Variants in MISFA observed in about 807,000 individuals in gnomAD.
The protein encoded by MISFA is mitochondrial sheath formation associated, also known as mitochondrial sheath formation-associated protein.
chr11:18,606,913 T>G, the MISFA span: 1 of 325,408 alleles, frequency 3.1e-6, no homozygotes, highest in South Asian at 2.5e-5. Flanking sequence ...CAGCCTGGAG[T>G]GCAGTGGTGC....
the MISFA span, chr11:18,607,015 C>T: frequency 4.3e-5 from 11 of 258,004 alleles, no homozygotes; most frequent in Middle Eastern, 5.3e-3. Context: ...TGTGTGCCAC[C>T]GCACCCGGCT....
the MISFA span, chr11:18,601,098 A>T: frequency 2.5e-6 from 1 of 398,422 alleles, no homozygotes; most frequent in African/African-American, 2.1e-5. Context: ...TCAGCCTCCA[A>T]CTCTGAAGTG....
At chr11:18,605,185 A>T in the MISFA span, among the ~76,000 whole-genome samples, 5 of 151,802 alleles carry the variant, frequency 3.3e-5, no homozygotes, top group Non-Finnish European at 7.4e-5. Context: ...GGTTACAGTG[A>T]GCCGAGATTG....
chr11:18,604,002 CT>C, the MISFA span: 1 of 296,212 alleles, frequency 3.4e-6, no homozygotes, highest in East Asian at 5.1e-5. Context: ...TCTCGGCTCA[CT>C]GCAAGCTCCG....
chr11:18,606,996 G>A, the MISFA span: 2 of 281,624 alleles, frequency 7.1e-6, no homozygotes, highest in Non-Finnish European at 1.3e-5. Flanking sequence ...CGGTAGCTGG[G>A]ATTACAGGTG....
the MISFA span, among the ~76,000 whole-genome samples, chr11:18,600,745 C>G: frequency 1.9e-3 from 290 of 151,996 alleles, no homozygotes; most frequent in South Asian, 0.013. Flanking sequence ...TGGTCTAGAT[C>G]TCCTAACTTC....
chr11:18,607,027 ATTTTT>A, the MISFA span: 945 of 250,910 alleles, frequency 3.8e-3, 7 homozygotes, highest in African/African-American at 0.021. Context: ...CACCCGGCTA[ATTTTT>A]TTATTTTTAG....
the MISFA span, chr11:18,603,680 T>G: frequency 2.5e-6 from 1 of 398,296 alleles, no homozygotes. Flanking sequence ...TAACCTCCCC[T>G]GCCAGTCCTT....
At chr11:18,604,983 C>T in the MISFA span, among the ~76,000 whole-genome samples, 2 of 152,134 alleles carry the variant, frequency 1.3e-5, no homozygotes, top group South Asian at 2.1e-4. Context: ...TGGCTCACAC[C>T]TGTAATCCCA....
At chr11:18,605,018 G>A in the MISFA span, among the ~76,000 whole-genome samples, 2,661 of 152,198 alleles carry the variant, frequency 0.017, 77 homozygotes, top group African/African-American at 0.06. Flanking sequence ...CGAGGCAGGC[G>A]GATCACTTGA....
At chr11:18,600,977 G>T in the MISFA span, 1 of 397,316 alleles carries the variant, frequency 2.5e-6, no homozygotes, top group South Asian at 1.4e-4. Flanking sequence ...TAGGAAGGGG[G>T]ACGGTAGGGA....
chr11:18,609,387 C>G, the MISFA span: 2 of 156,658 alleles, frequency 1.3e-5, no homozygotes, highest in Non-Finnish European at 2.8e-5. Context: ...TAGATTAGGA[C>G]AAGTCACTTT....
At chr11:18,603,931 T>TTTC in the MISFA span, 1 of 357,758 alleles carries the variant, frequency 2.8e-6, no homozygotes, top group Non-Finnish European at 4.8e-6. Context: ...TTTTTTTTTT[T>TTTC]TTTTTTTTTT....
the MISFA span, chr11:18,599,911 A>G: frequency 2.5e-6 from 1 of 398,822 alleles, no homozygotes; most frequent in Non-Finnish European, 4.4e-6. Flanking sequence ...TATCTTAGAA[A>G]TTGTTTTACG....
At chr11:18,601,358 A>T in the MISFA span, 1 of 397,632 alleles carries the variant, frequency 2.5e-6, no homozygotes, top group Admixed American at 4.4e-5. Flanking sequence ...ATTAATAACC[A>T]TGTCTCATAG....
At chr11:18,602,840 C>T in the MISFA span, 2 of 307,750 alleles carry the variant, frequency 6.5e-6, no homozygotes, top group Middle Eastern at 8.6e-4. Context: ...TTCTTTAACC[C>T]AACGCATCTA....
the MISFA span, chr11:18,601,219 C>T: frequency 2.5e-6 from 1 of 398,542 alleles, no homozygotes; most frequent in Non-Finnish European, 4.4e-6. Flanking sequence ...GGATTCCTCC[C>T]TTTCCAAAGT....
At chr11:18,603,917 CTTTTT>C in the MISFA span, 50 of 53,012 alleles carry the variant, frequency 9.4e-4, no homozygotes, top group East Asian at 2.5e-3. Flanking sequence ...AGTTACCGCA[CTTTTT>C]TTTTTTTTTT....
the MISFA span, chr11:18,603,812 T>A: frequency 2.5e-6 from 1 of 398,810 alleles, no homozygotes; most frequent in Non-Finnish European, 4.4e-6. Context: ...GGTGAAGTAA[T>A]GCAGCTGTGA....
Sources: gnomAD v4.1 joint callset for allele counts (sites outside exome capture counted in the v4.1 genomes callset) on GRCh38, gnomAD v4.1.1 for gene constraint, MANE v1.5 for transcripts, NCBI Gene and HGNC (gene_info 2026-07-23, HGNC 2026-07-21) for gene names.